MAML3: variants seen among roughly 807,000 people sequenced by gnomAD.
MAML3 encodes mastermind-like protein 3.
A neutral mutation model predicts 101.9 loss-of-function variants in MAML3; 27 were observed. That is an observed-to-expected ratio of 0.27 (90% CI 0.20 to 0.37). MAML3 has a LOEUF of 0.37. MAML3 is among the 10% of genes least tolerant of loss of function. The probability of loss-of-function intolerance (pLI) is 1.00; values close to 1 mark genes in which losing one functional copy is unlikely to be tolerated. For missense variants in MAML3, 1,316 were observed against 1,444.9 expected (o/e 0.91, Z 1.45); for synonymous variants, 501 against 555.9 (o/e 0.90, Z 1.39).
chr4:139,945,011 G>A (rs1442297205), intron 1 of MAML3, among the ~76,000 whole-genome samples: 1 of 151,914 alleles, frequency 6.6e-6, no homozygotes, highest in African/African-American at 2.4e-5. Flanking sequence ...TATGTTTATT[G>A]CGGCATTATT....
At chr4:140,012,361 G>A (rs1293008963) in intron 1 of MAML3, among the ~76,000 whole-genome samples, 6 of 152,166 alleles carry the variant, frequency 3.9e-5, no homozygotes, top group Non-Finnish European at 7.3e-5. Flanking sequence ...GAAGGTCAAC[G>A]AGACTCAAGA....
At chr4:140,149,756 C>G (rs1382235043) in intron 1 of MAML3, among the ~76,000 whole-genome samples, 1 of 152,092 alleles carries the variant, frequency 6.6e-6, no homozygotes, top group Non-Finnish European at 1.5e-5. Flanking sequence ...TGTTCTGTGC[C>G]TCACTGGAGT....
intron 1 of MAML3, among the ~76,000 whole-genome samples, chr4:139,909,141 C>T (rs1732872402): frequency 6.6e-6 from 1 of 152,176 alleles, no homozygotes; most frequent in Non-Finnish European, 1.5e-5. Flanking sequence ...TTTCGTGACT[C>T]TGATCACTCT....
At chr4:139,829,033 GGACT>G (rs1477585308) in intron 2 of MAML3, among the ~76,000 whole-genome samples, 11 of 129,478 alleles carry the variant, frequency 8.5e-5, no homozygotes, top group South Asian at 2.5e-4. Context: ...ACGGACGGAC[GGACT>G]AAGGGAGGGA....
At chr4:140,133,818 G>T (rs992698367) in intron 1 of MAML3, among the ~76,000 whole-genome samples, 13 of 152,150 alleles carry the variant, frequency 8.5e-5, no homozygotes, top group Admixed American at 2.0e-4. Flanking sequence ...CATCCTATAA[G>T]CATGCTGCAT....
At chr4:139,888,699 C>G in intron 2 of MAML3, 1 of 517,402 alleles carries the variant, frequency 1.9e-6, no homozygotes. Context: ...TTCACCATCA[C>G]ATTTTCCTGA....
chr4:140,012,205 A>G (rs1726574648), intron 1 of MAML3, among the ~76,000 whole-genome samples: 1 of 152,246 alleles, frequency 6.6e-6, no homozygotes, highest in South Asian at 2.1e-4. Flanking sequence ...AAAAGAATTA[A>G]TGTTGTATAG....
intron 1 of MAML3, among the ~76,000 whole-genome samples, chr4:140,105,347 T>G (rs552753940): frequency 3.3e-5 from 5 of 152,238 alleles, no homozygotes; most frequent in Non-Finnish European, 7.3e-5. Flanking sequence ...AGAGGTTTCA[T>G]GAGCAACTCG....
chr4:140,040,279 T>C (rs1280859147), intron 1 of MAML3, among the ~76,000 whole-genome samples: 2 of 152,216 alleles, frequency 1.3e-5, no homozygotes, highest in Admixed American at 1.3e-4. Context: ...TGAATGGCTA[T>C]TGGGTGGGAG....
At chr4:140,109,271 C>T (rs1728402033) in intron 1 of MAML3, among the ~76,000 whole-genome samples, 1 of 152,174 alleles carries the variant, frequency 6.6e-6, no homozygotes, top group African/African-American at 2.4e-5. Flanking sequence ...GTCCAGTATG[C>T]ATAACAGACT....
At chr4:140,104,867 C>T (rs1476151924) in intron 1 of MAML3, among the ~76,000 whole-genome samples, 1 of 151,632 alleles carries the variant, frequency 6.6e-6, no homozygotes, top group African/African-American at 2.4e-5. Flanking sequence ...TTTTTTAAAC[C>T]AAACCAAAGG....
intron 1 of MAML3, among the ~76,000 whole-genome samples, chr4:140,122,584 A>T (rs886192614): frequency 6.6e-6 from 1 of 151,812 alleles, no homozygotes; most frequent in South Asian, 2.1e-4. Flanking sequence ...CGAGGTCAGG[A>T]GATCGAGACC....
intron 1 of MAML3, among the ~76,000 whole-genome samples, chr4:139,947,587 C>A (rs974091695): frequency 2.0e-5 from 3 of 152,094 alleles, no homozygotes; most frequent in African/African-American, 7.2e-5. Context: ...ACCCACATGT[C>A]CCTAGCAGAA....
intron 1 of MAML3, among the ~76,000 whole-genome samples, chr4:140,021,118 A>G (rs571359882): frequency 6.6e-6 from 1 of 152,358 alleles, no homozygotes; most frequent in Non-Finnish European, 1.5e-5. Flanking sequence ...TCTCTTCTGT[A>G]GCTATAGCCA....
intron 1 of MAML3, among the ~76,000 whole-genome samples, chr4:140,017,666 C>G (rs4863724): frequency 0.7 from 104,835 of 150,506 alleles, 39,850 homozygotes; most frequent in East Asian, 0.94. Flanking sequence ...GCTGAGCAGG[C>G]GAAAAAAAGA....
At chr4:139,807,702 G>A (rs1340567170) in intron 2 of MAML3, among the ~76,000 whole-genome samples, 1 of 152,148 alleles carries the variant, frequency 6.6e-6, no homozygotes, top group Non-Finnish European at 1.5e-5. Flanking sequence ...ACAGTTCTTT[G>A]CCAACCCTTG....
intron 2 of MAML3, among the ~76,000 whole-genome samples, chr4:139,857,595 C>A (rs28692661): frequency 2.6e-5 from 4 of 152,190 alleles, no homozygotes; most frequent in African/African-American, 9.6e-5. Context: ...TGGCCTATGA[C>A]CACCTCCAGT....
Position 140,105,724 on chromosome 4 carries a change from GA to G in MAML3, c.468+47135del, listed in dbSNP as rs1284824260. 3.3e-5 allele frequency among the ~76,000 whole-genome samples: 5 copies of G among 152,044 alleles called. No individual in the cohort carries two copies. The East Asian group carries it at 7.7e-4, about 24-fold the overall frequency. On this transcript the variant is annotated intron_variant, in intron 1 of 4. Coordinates refer to ENST00000509479, the MANE Select transcript of MAML3 (RefSeq NM_018717.5). The stretch of plus-strand genomic sequence containing the variant: ...GAAGTTGCCTGTGGGGGACATGGAG[GA>G]AAAAAACAAAATCCTCTTCCCCAGT...
intron 1 of MAML3, among the ~76,000 whole-genome samples, chr4:139,972,406 T>C (rs1734248120): frequency 6.6e-6 from 1 of 152,216 alleles, no homozygotes; most frequent in South Asian, 2.1e-4. Flanking sequence ...CAGAACCAGT[T>C]TACAAGCCTT....
Sources: gnomAD v4.1 joint callset for allele counts (sites outside exome capture counted in the v4.1 genomes callset) on GRCh38, gnomAD v4.1.1 for gene constraint, MANE v1.5 for transcripts, NCBI Gene and HGNC (gene_info 2026-07-23, HGNC 2026-07-21) for gene names.